Variants in CDH1 observed in about 807,000 individuals in gnomAD.
The protein encoded by CDH1 is cadherin-1.
In CDH1, 35 loss-of-function variants were observed where a neutral mutation model predicts 84.5. The ratio of observed to expected loss-of-function variants is 0.41; its 90% CI spans 0.32 to 0.55. The LOEUF (loss-of-function observed/expected upper bound fraction) is 0.55. CDH1 is among the 20% of genes least tolerant of loss of function. CDH1 has a pLI of 0.19. For synonymous variants in CDH1, 417 were observed against 439.0 expected, an observed-to-expected ratio of 0.95 and a Z score of 0.63; for missense variants, 994 against 1,126.6, an observed-to-expected ratio of 0.88 and a Z score of 1.68.
intron 2 of CDH1, among the ~76,000 whole-genome samples, chr16:68,738,726 G>A (rs1366899515): frequency 2.0e-5 from 3 of 151,964 alleles, no homozygotes; most frequent in Non-Finnish European, 4.4e-5. Flanking sequence ...GCAAAAACCT[G>A]GTGGGTGGGA....
intron 2 of CDH1, among the ~76,000 whole-genome samples, chr16:68,781,533 C>G (rs1959878271): frequency 6.6e-6 from 1 of 152,032 alleles, no homozygotes; most frequent in Non-Finnish European, 1.5e-5. Flanking sequence ...GAGATGGGGT[C>G]TTGCCATGTT....
chr16:68,766,435 G>C (rs1287192999), intron 2 of CDH1, among the ~76,000 whole-genome samples: 1 of 152,108 alleles, frequency 6.6e-6, no homozygotes, highest in African/African-American at 2.4e-5. Flanking sequence ...AAATCCAGGG[G>C]ACCAGTAGCA....
intron 9 of CDH1, among the ~76,000 whole-genome samples, chr16:68,814,737 G>T (rs550796245): frequency 1.3e-5 from 2 of 152,130 alleles, no homozygotes; most frequent in Non-Finnish European, 2.9e-5. Context: ...GGCAGATATG[G>T]TTGTTTTTGA....
At chr16:68,804,528 G>C (rs1960600474) in intron 3 of CDH1, among the ~76,000 whole-genome samples, 1 of 152,102 alleles carries the variant, frequency 6.6e-6, no homozygotes, top group Non-Finnish European at 1.5e-5. Context: ...AGGGAATGTA[G>C]TCTTTCATAT....
In CDH1 at chr16:68,813,447, C is replaced by T. The variant is rs61756284; in HGVS notation, c.1272C>T (p.Val424=). ...TGAATGATGATGGTGGACAATTTGT[C>T]GTCACCACAAATCCAGTGAACAACG... is the stretch of plus-strand genomic sequence containing the variant. The part of the protein sequence containing the change: ...TILNDDGGQF[V]VTTNPVNNDG... The change falls in exon 9 of 16, where the codon GTC becomes GTT. Residue 424 remains valine (V), a synonymous_variant. Coordinates refer to ENST00000261769, the MANE Select transcript of CDH1 (RefSeq NM_004360.5). 1,877 of 1,614,132 alleles carry T rather than the reference C, an allele frequency of 1.2e-3. 2 individuals carry two copies. The highest frequency in any genetic ancestry group is 1.9e-3 in the Admixed American group (114 of 60,022).
intron 13 of CDH1, among the ~76,000 whole-genome samples, chr16:68,826,903 T>C (rs533362499): frequency 4.6e-5 from 7 of 152,346 alleles, no homozygotes; most frequent in Non-Finnish European, 7.3e-5. Context: ...CTGGCATTTT[T>C]CTGGTTTTAG....
intron 2 of CDH1, among the ~76,000 whole-genome samples, chr16:68,789,086 C>T (rs952174928): frequency 4.6e-5 from 7 of 152,018 alleles, no homozygotes; most frequent in Non-Finnish European, 2.9e-5. Flanking sequence ...TGCAGTGGCC[C>T]GAACATGATT....
Position 68,823,584 on chromosome 16 carries a change from C to T in CDH1, c.2122C>T (p.Pro708Ser), listed in dbSNP as rs1060501233. The change falls in exon 13 of 16, where the codon CCT becomes TCT. Residue 708 changes from proline (P) to serine (S), a missense_variant. By Grantham distance (74) the Pro-to-Ser change is moderately conservative. Around this residue, in one of 3 missense-constraint regions of CDH1, gnomAD observed 769 missense variants for 881.8 expected, o/e 0.87. Transcript: ENST00000261769. ...AQPVEAGLQIPAILGILGGIL... is the reference protein window; with the variant it reads ...AQPVEAGLQISAILGILGGIL... ...GCCTGTCGAAGCAGGATTGCAAATT[C>T]CTGCCATTCTGGGGATTCTTGGAGG... 1 of 1,613,666 alleles carries T rather than the reference C, an allele frequency of 6.2e-7. No homozygotes were observed. Among genetic ancestry groups the T allele is most frequent in the South Asian group, 1.1e-5 (1 of 91,078 alleles).
chr16:68,813,087 C>T (rs1237069916), intron 8 of CDH1, among the ~76,000 whole-genome samples: 1 of 152,012 alleles, frequency 6.6e-6, no homozygotes. Context: ...TGTGGTGGTG[C>T]ATGCCTGTGG....
Position 68,801,774 on chromosome 16 carries a change from C to G in CDH1, c.268C>G (p.Arg90Gly), listed in dbSNP as rs730881661. 1 of 1,614,134 alleles carries G rather than the reference C, an allele frequency of 6.2e-7. No individual in the cohort carries two copies. The highest frequency in any genetic ancestry group is 8.5e-7 in the Non-Finnish European group (1 of 1,179,974). The change falls in exon 3 of 16, where the codon CGG (arginine) becomes GGG (glycine). Residue 90 changes from arginine (R) to glycine (G), a missense_variant. By Grantham distance (125) the Arg-to-Gly change is moderately radical. Coordinates refer to ENST00000261769, the MANE Select transcript of CDH1 (RefSeq NM_004360.5). ...DGVITVKRPL[R>G]FHNPQIHFLV... ...TGTGATTACAGTCAAAAGGCCTCTA[C>G]GGTTTCATAACCCACAGATCCATTT...
At chr16:68,767,977 T>TTTGCTTTAC (rs1959437978) in intron 2 of CDH1, among the ~76,000 whole-genome samples, 1 of 151,456 alleles carries the variant, frequency 6.6e-6, no homozygotes, top group African/African-American at 2.4e-5. Flanking sequence ...TTTTTTGAGA[T>TTTGCTTTAC]GGAGCTTTGC....
At position 68,777,549 on chromosome 16, in the gene CDH1, T is replaced by TG. The variant is rs531557126; in HGVS notation, c.164-24121_164-24120insG. Among the ~76,000 whole-genome samples the TG allele has an allele frequency of 6.3e-5, 9 of 142,350 alleles. No individual in the cohort carries two copies. In the South Asian group the frequency reaches 2.1e-3, roughly 33 times the overall value. 93.4% of individuals were successfully genotyped at this position (142,350 alleles called of 152,430 possible). A position where few individuals can be genotyped will look rare whatever the true frequency, so the allele number is the denominator to read the frequency against. On this transcript the variant is annotated intron_variant, in intron 2 of 15. Transcript: ENST00000261769. ...GTAATGTTTCCTTTTTTTTTTTTTT[T>TG]TTTTTTTTGAGAAGGGGGTCTGATT...
intron 14 of CDH1, 103 bp downstream of exon 14, chr16:68,828,407 A>G (rs1961387152): frequency 8.1e-7 from 1 of 1,240,042 alleles, no homozygotes; most frequent in African/African-American, 1.5e-5. Flanking sequence ...ATCACTTTGG[A>G]TATTATCTTT....
At chr16:68,793,776 C>T (rs1028794230) in intron 2 of CDH1, among the ~76,000 whole-genome samples, 9 of 152,026 alleles carry the variant, frequency 5.9e-5, no homozygotes, top group African/African-American at 2.2e-4. Context: ...CCTGTAATCC[C>T]AACTACTTGG....
At chr16:68,752,377 G>A (rs867119594) in intron 2 of CDH1, among the ~76,000 whole-genome samples, 1 of 152,106 alleles carries the variant, frequency 6.6e-6, no homozygotes, top group South Asian at 2.1e-4. Flanking sequence ...TGTTCACTGC[G>A]GGTCTCCTCC....
intron 2 of CDH1, among the ~76,000 whole-genome samples, chr16:68,779,957 C>G (rs572080438): frequency 1.3e-5 from 2 of 152,244 alleles, no homozygotes; most frequent in South Asian, 4.1e-4. Flanking sequence ...CAGATAACTC[C>G]AAGACACTCC....
intron 9 of CDH1, chr16:68,814,614 T>C (rs921703098): frequency 6.6e-6 from 1 of 152,170 alleles, no homozygotes; most frequent in Admixed American, 6.5e-5. Flanking sequence ...ACTATCTGCT[T>C]TAATAGGCTC....
chr16:68,757,250 G>A (rs572833186), intron 2 of CDH1, among the ~76,000 whole-genome samples: 2 of 152,060 alleles, frequency 1.3e-5, no homozygotes, highest in East Asian at 2.0e-4. Flanking sequence ...CACCATGCCC[G>A]GCTAATTTTT....
chr16:68,756,485 G>A (rs1416830815), intron 2 of CDH1, among the ~76,000 whole-genome samples: 1 of 152,054 alleles, frequency 6.6e-6, no homozygotes, highest in Non-Finnish European at 1.5e-5. Context: ...AGGTACTCTA[G>A]GTGCCGGCTC....
Sources: allele counts gnomAD v4.1 joint callset (sites outside exome capture counted in the v4.1 genomes callset), GRCh38; gene constraint gnomAD v4.1.1; regional missense constraint gnomAD v4.1.1; transcripts MANE v1.5; gene names NCBI Gene and HGNC (gene_info 2026-07-23, HGNC 2026-07-21).